DNAH12: variants seen among roughly 807,000 people sequenced by gnomAD.
DNAH12 encodes dynein axonemal heavy chain 12.
DNAH12 carries 285 observed loss-of-function variants against 371.5 expected under a neutral mutation model. The observed-to-expected ratio is 0.77, with a 90% CI of 0.70 to 0.85. The LOEUF (loss-of-function observed/expected upper bound fraction) is 0.85. Ranked by LOEUF, DNAH12 falls within the 40% of genes least tolerant of loss-of-function variation. The pLI is 0.00. For synonymous variants in DNAH12, 1,200 were observed against 1,213.0 expected, an observed-to-expected ratio of 0.99 and a Z score of 0.22; for missense variants, 3,611 against 3,689.4, an observed-to-expected ratio of 0.98 and a Z score of 0.55.
chr3:57,426,939 A>G (rs2064789499), intron 34 of DNAH12, among the ~76,000 whole-genome samples: 1 of 152,016 alleles, frequency 6.6e-6, no homozygotes, highest in African/African-American at 2.4e-5. Flanking sequence ...TTTATAATAT[A>G]TAGCATTAGA....
intron 2 of DNAH12, chr3:57,530,539 T>A (rs530303162): frequency 1.4e-4 from 101 of 701,366 alleles, no homozygotes; most frequent in Non-Finnish European, 2.5e-4. Flanking sequence ...TTCTTCTAAA[T>A]TTTTTTAGAT....
At chr3:57,302,567 A>ATATATATATATATTTTTTTTTTTT (rs2061380979) in intron 69 of DNAH12, among the ~76,000 whole-genome samples, 1 of 27,484 alleles carries the variant, frequency 3.6e-5, no homozygotes, top group East Asian at 7.0e-3. Flanking sequence ...ATATATATGT[A>ATATATATATATATTTTTTTTTTTT]TTTTTTTTTT....
At chr3:57,543,021 A>T in intron 1 of DNAH12, 118 bp from the exon 2 acceptor site, 1 of 696,342 alleles carries the variant, frequency 1.4e-6, no homozygotes, top group Non-Finnish European at 2.1e-6. Flanking sequence ...TCTTCCTCCC[A>T]AGTATGGTAT....
At chr3:57,356,836 T>C (rs1022572122) in intron 59 of DNAH12, among the ~76,000 whole-genome samples, 1 of 151,822 alleles carries the variant, frequency 6.6e-6, no homozygotes, top group African/African-American at 2.4e-5. Flanking sequence ...ACCTCCTGAG[T>C]TCAAGCGATT....
chr3:57,322,226 TAA>T lies in DNAH12; in HGVS notation c.10524+115_10524+116del, dbSNP rs776129642. ...AATTTTTGTCTTGTTAGGAAATGCGTAAAGTTTTAAAAACATTAAATAAAAAT... is the reference window on the plus strand; with the variant it reads ...AATTTTTGTCTTGTTAGGAAATGCGTAGTTTTAAAAACATTAAATAAAAAT... On this transcript the variant is annotated intron_variant, in intron 65 of 73. Coordinates refer to ENST00000495027, the MANE Select transcript of DNAH12 (RefSeq NM_001366028.2). 368 of 1,176,804 alleles carry T rather than the reference TAA, an allele frequency of 3.1e-4. 1 individual carries two copies. The highest frequency in any genetic ancestry group is 3.8e-4 in the Non-Finnish European group (335 of 879,288). The allele number at this position is 1,176,804 out of a possible 1,614,324, so 72.9% of individuals were successfully genotyped here. A position where few individuals can be genotyped will look rare whatever the true frequency, so the allele number is the denominator to read the frequency against.
chr3:57,473,756 T>C, intron 13 of DNAH12, among the ~76,000 whole-genome samples: 1 of 151,038 alleles, frequency 6.6e-6, no homozygotes, highest in East Asian at 1.9e-4. Context: ...ACATTAAATA[T>C]GTATTTTGTA....
chr3:57,437,972 C>T (rs553077492), intron 29 of DNAH12, among the ~76,000 whole-genome samples: 1 of 152,294 alleles, frequency 6.6e-6, no homozygotes, highest in East Asian at 1.9e-4. Flanking sequence ...TGCAACCTAG[C>T]TACCTGAAAT....
chr3:57,334,850 A>T lies in DNAH12; in HGVS notation c.9765T>A (p.Thr3255=). ...CCTCCCAGCTTTTGTCCTGTAGCCA[A>T]GTTGGATCAGGATTTTTCTCAGCAC... is the stretch of plus-strand genomic sequence containing the variant. ...LKSAEKNPDP[T]WLQDKSWEEI... The change falls in exon 61 of 74, where the codon ACT becomes ACA. Residue 3255 remains threonine (T), a synonymous_variant. Coordinates refer to ENST00000495027, the MANE Select transcript of DNAH12 (RefSeq NM_001366028.2). 1.3e-6 allele frequency: 2 copies of T among 1,552,008 alleles called. No individual in the cohort carries two copies. Among genetic ancestry groups the T allele is most frequent in the Non-Finnish European group, 1.7e-6 (2 of 1,147,066 alleles).
At chr3:57,485,717 T>C (rs976317657) in intron 12 of DNAH12, among the ~76,000 whole-genome samples, 8 of 152,096 alleles carry the variant, frequency 5.3e-5, no homozygotes, top group African/African-American at 1.7e-4. Context: ...TTATTCTAAG[T>C]GAAGTAACTC....
intron 13 of DNAH12, among the ~76,000 whole-genome samples, chr3:57,478,237 A>G (rs2066606320): frequency 6.6e-6 from 1 of 152,236 alleles, no homozygotes; most frequent in South Asian, 2.1e-4. Context: ...AAAGGACCTG[A>G]TGGAGCTGAA....
rs928469216 is a variant in DNAH12, at chr3:57,380,537, A to C, written c.7993-170T>G. Among the ~76,000 whole-genome samples, 527 of 152,266 alleles carry C rather than the reference A, an allele frequency of 3.5e-3. 3 individuals are homozygous for C. The highest frequency in any genetic ancestry group is 5.6e-3 in the Non-Finnish European group (384 of 68,006). On this transcript the variant is annotated intron_variant, in intron 50 of 73. Coordinates refer to ENST00000495027, the MANE Select transcript of DNAH12 (RefSeq NM_001366028.2). ...CGCCCAGGCTGGAGTACTGTGGTGCAATATCGGCTCACTGCCTCCCAGGTT... is the reference window on the plus strand; with the variant it reads ...CGCCCAGGCTGGAGTACTGTGGTGCCATATCGGCTCACTGCCTCCCAGGTT...
At chr3:57,554,908 G>T in the DNAH12 span, among the ~76,000 whole-genome samples, 2 of 152,094 alleles carry the variant, frequency 1.3e-5, no homozygotes, top group African/African-American at 4.8e-5. Context: ...TGAGCCACTG[G>T]GCCCGGCGTC....
intron 25 of DNAH12, among the ~76,000 whole-genome samples, chr3:57,450,263 A>AAAAAAAAAGG (rs1559675139): frequency 6.7e-6 from 1 of 148,766 alleles, no homozygotes; most frequent in Non-Finnish European, 1.5e-5. Context: ...AAAAAAAAAA[A>AAAAAAAAAGG]GGTGGCCCAG....
chr3:57,432,166 AT>A (rs2064975061), intron 32 of DNAH12, among the ~76,000 whole-genome samples: 1 of 95,662 alleles, frequency 1.0e-5, no homozygotes, highest in Non-Finnish European at 2.0e-5. Flanking sequence ...ACTTCAGTAT[AT>A]CTTTTTTTTT....
At chr3:57,487,510 G>A (rs2066974335) in intron 12 of DNAH12, among the ~76,000 whole-genome samples, 1 of 152,106 alleles carries the variant, frequency 6.6e-6, no homozygotes, top group South Asian at 2.1e-4. Context: ...CAGAATCTGA[G>A]TCCTTTGGGC....
chr3:57,313,053 A>G (rs1272390295), intron 66 of DNAH12, among the ~76,000 whole-genome samples: 1 of 152,192 alleles, frequency 6.6e-6, no homozygotes, highest in East Asian at 1.9e-4. Context: ...ATTAGGTCCT[A>G]TTTCAAAAAG....
intron 36 of DNAH12, among the ~76,000 whole-genome samples, chr3:57,421,092 A>T (rs1283533222): frequency 6.6e-6 from 1 of 152,022 alleles, no homozygotes; most frequent in Non-Finnish European, 1.5e-5. Context: ...CTGCACTGTC[A>T]GTCAGGAGAA....
At chr3:57,530,242 T>G in intron 2 of DNAH12, 1 of 208,658 alleles carries the variant, frequency 4.8e-6, no homozygotes, top group Non-Finnish European at 9.5e-6. Context: ...TAACTTTTTG[T>G]TGTTTCTATT....
intron 36 of DNAH12, among the ~76,000 whole-genome samples, chr3:57,420,778 G>A (rs1168445404): frequency 7.3e-5 from 11 of 151,724 alleles, no homozygotes; most frequent in African/African-American, 1.9e-4. Context: ...GCGTGGTGGC[G>A]GGCACCTGTA....
Sources: allele counts gnomAD v4.1 joint callset (sites outside exome capture counted in the v4.1 genomes callset), GRCh38; gene constraint gnomAD v4.1.1; transcripts MANE v1.5; gene names NCBI Gene and HGNC (gene_info 2026-07-23, HGNC 2026-07-21).